The following RARA variants were observed in gnomAD, a reference collection of about 807,000 sequenced individuals.
RARA encodes PML-DDX5-RARA fusion.
A neutral mutation model predicts 42.8 loss-of-function variants in RARA; 5 were observed. The ratio of observed to expected loss-of-function variants is 0.12; its 90% CI spans 0.06 to 0.25. The LOEUF (loss-of-function observed/expected upper bound fraction) is 0.25, where lower values mean the gene tolerates loss of function less well. RARA is among the 10% of genes least tolerant of loss of function. RARA has a pLI of 1.00. For missense variants in RARA, 402 were observed against 628.7 expected, an observed-to-expected ratio of 0.64 and a Z score of 3.86; for synonymous variants, 256 against 259.5, an observed-to-expected ratio of 0.99 and a Z score of 0.13.
At chr17:40,336,218 C>T (rs2033845857) in intron 2 of RARA, among the ~76,000 whole-genome samples, 1 of 151,866 alleles carries the variant, frequency 6.6e-6, no homozygotes, top group African/African-American at 2.4e-5. Flanking sequence ...GCTGGGATTA[C>T]AGGCGCCCGC....
chr17:40,331,470 C>A (rs1194286413), intron 2 of RARA, 74 bp downstream of exon 2: 7 of 1,482,176 alleles, frequency 4.7e-6, no homozygotes, highest in Non-Finnish European at 6.4e-6. Context: ...GGGCTCTGGG[C>A]ACGTCTGTTC....
intron 2 of RARA, among the ~76,000 whole-genome samples, chr17:40,333,044 TTTTA>T (rs1292771396): frequency 6.6e-6 from 1 of 152,184 alleles, no homozygotes; most frequent in Non-Finnish European, 1.5e-5. Flanking sequence ...AGGGTTTTAT[TTTTA>T]TTTATTTATT....
chr17:40,341,100 T>TC (rs2034018426), intron 2 of RARA: 1 of 402,900 alleles, frequency 2.5e-6, no homozygotes. Context: ...TCCAGGGGTA[T>TC]CCCCTCTTTC....
chr17:40,330,769 T>C (rs1353535478), intron 1 of RARA, 88 bp from the exon 2 acceptor site: 1 of 211,124 alleles, frequency 4.7e-6, no homozygotes, highest in Non-Finnish European at 9.6e-6. Context: ...CGGGAAAATC[T>C]CCGGCAGCCC....
chr17:40,348,227 TC>T, intron 2 of RARA, 88 bp from the exon 3 acceptor site: 1 of 1,434,216 alleles, frequency 7.0e-7, no homozygotes, highest in Non-Finnish European at 9.3e-7. Flanking sequence ...TGGGAGAGGC[TC>T]TTAGGAGGGA....
chr17:40,356,570 G>A lies in RARA; in HGVS notation c.*344G>A, dbSNP rs1567768647. On this transcript the variant is annotated 3_prime_UTR_variant, in exon 9 of 9. Transcript: ENST00000254066. ...ACATCTTCATCACCAGCAAACGCCA[G>A]GACTTGGCTCCCCCATCCTCAGAAC... 3.5e-6 allele frequency: 2 copies of A among 577,942 alleles called. No homozygotes were observed. Among genetic ancestry groups the A allele is most frequent in the Non-Finnish European group, 3.3e-6 (1 of 304,590 alleles). The allele number at this position is 577,942 out of a possible 1,614,324, so 35.8% of individuals were successfully genotyped here. A position where few individuals can be genotyped will look rare whatever the true frequency, so the allele number is the denominator to read the frequency against.
intron 2 of RARA, chr17:40,341,485 C>T: frequency 1.3e-6 from 2 of 1,503,622 alleles, no homozygotes; most frequent in Non-Finnish European, 1.8e-6. Flanking sequence ...CTTGGCCCCG[C>T]GCGACCCGGC....
intron 2 of RARA, among the ~76,000 whole-genome samples, chr17:40,344,711 C>T (rs559346601): frequency 9.2e-5 from 14 of 152,290 alleles, no homozygotes; most frequent in South Asian, 6.2e-4. Context: ...TTCCAGTTCC[C>T]GTAGTCTGAG....
chr17:40,343,035 T>TC (rs1215909043), intron 2 of RARA: 2 of 1,341,972 alleles, frequency 1.5e-6, no homozygotes, highest in East Asian at 5.4e-5. Flanking sequence ...GGCCGCACCC[T>TC]CCCCCCAGTA....
intron 1 of RARA, among the ~76,000 whole-genome samples, chr17:40,313,243 C>A (rs2033130120): frequency 6.6e-6 from 1 of 152,134 alleles, no homozygotes; most frequent in African/African-American, 2.4e-5. Context: ...CTGCCCAGGA[C>A]CTGTGGGTCA....
chr17:40,355,016 A>G lies in RARA; in HGVS notation c.1013-247A>G, dbSNP rs980966828. Among the ~76,000 whole-genome samples, 10 of 152,238 alleles carry G rather than the reference A, an allele frequency of 6.6e-5. No homozygotes were observed. The highest frequency in any genetic ancestry group is 2.4e-4 in the African/African-American group (10 of 41,542). On this transcript the variant is annotated intron_variant, in intron 7 of 8. Transcript: ENST00000254066. This position sits in a 1 kb window ranked among gnomAD's most constrained non-coding sequence, Gnocchi z 4.1. ...TCCCTGCTTGAGGATGGCACTGCCC[A>G]TTTGGGGTCCCATCCCACTAACTGG...
At position 40,345,273 on chromosome 17, in the gene RARA, A is replaced by T. The variant is rs2034221616; in HGVS notation, c.179-3043A>T. 6.6e-6 allele frequency: 1 copy of T among 152,412 alleles called. No homozygotes were observed. The highest frequency in any genetic ancestry group is 2.1e-4 in the South Asian group (1 of 4,830). The allele number at this position is 152,412 out of a possible 1,614,324, so 9.4% of individuals were successfully genotyped here. ...AGGGGCCTTCTTCCGCTGCCGCGGTACACCCAGAGCTACCCCCGCCTCTCC... is the reference window on the plus strand; with the variant it reads ...AGGGGCCTTCTTCCGCTGCCGCGGTTCACCCAGAGCTACCCCCGCCTCTCC... On this transcript the variant is annotated intron_variant, in intron 2 of 8. Coordinates refer to ENST00000254066, the MANE Select transcript of RARA (RefSeq NM_000964.4). This position sits in a 1 kb window ranked among gnomAD's most constrained non-coding sequence, Gnocchi z 4.8.
In RARA at chr17:40,331,097, G is replaced by A; in HGVS notation, c.-122G>A. 1 of 1,168,076 alleles carries A rather than the reference G, an allele frequency of 8.6e-7. No individual in the cohort carries two copies. The allele number at this position is 1,168,076 out of a possible 1,614,324, so 72.4% of individuals were successfully genotyped here. ...TGGACAGCAGCTCCAGGACAGGGCG[G>A]GTGGGCTGACCACCCAAACCCCATC... is the stretch of plus-strand genomic sequence containing the variant. On this transcript the variant is annotated 5_prime_UTR_variant, in exon 2 of 9. Coordinates refer to ENST00000254066, the MANE Select transcript of RARA (RefSeq NM_000964.4).
At chr17:40,341,492 C>G in intron 2 of RARA, 1 of 1,498,492 alleles carries the variant, frequency 6.7e-7, no homozygotes, top group Non-Finnish European at 8.9e-7. Context: ...CCGCGCGACC[C>G]GGCCCTACGC....
intron 2 of RARA, among the ~76,000 whole-genome samples, chr17:40,336,961 G>A (rs1211188702): frequency 6.6e-6 from 1 of 152,252 alleles, no homozygotes; most frequent in African/African-American, 2.4e-5. Flanking sequence ...GCCTCCTAAA[G>A]TGCTGGGATT....
At chr17:40,314,944 T>C (rs1418669891) in intron 1 of RARA, among the ~76,000 whole-genome samples, 1 of 151,534 alleles carries the variant, frequency 6.6e-6, no homozygotes, top group East Asian at 1.9e-4. Context: ...GCCCCACCCA[T>C]AAACCTGCAG....
At chr17:40,342,256 C>T in intron 2 of RARA, 1 of 1,058,424 alleles carries the variant, frequency 9.4e-7, no homozygotes, top group Non-Finnish European at 1.1e-6. Context: ...CCGGAATCCT[C>T]GCCACGGAGA....
At position 40,317,843 on chromosome 17, in the gene RARA, C is replaced by T. The variant is rs185277606; in HGVS notation, c.-363+8557C>T. ...GGATTCAGGGGCTTGACAGCTAGGG[C>T]AGGAGTCACCGCACTCACTTCCATA... On this transcript the variant is annotated intron_variant, in intron 1 of 8. Coordinates refer to ENST00000254066, the MANE Select transcript of RARA (RefSeq NM_000964.4). 2.6e-5 allele frequency among the ~76,000 whole-genome samples: 4 copies of T among 152,190 alleles called. No homozygotes were observed. In the East Asian group the frequency reaches 5.8e-4, roughly 22 times the overall value.
At position 40,330,994 on chromosome 17, in the gene RARA, C is replaced by A; in HGVS notation, c.-225C>A. 1.9e-6 allele frequency: 1 copy of A among 521,410 alleles called. No homozygotes were observed. The highest frequency in any genetic ancestry group is 3.4e-6 in the Non-Finnish European group (1 of 297,498). The allele number at this position is 521,410 out of a possible 1,614,324, so 32.3% of individuals were successfully genotyped here. On this transcript the variant is annotated 5_prime_UTR_variant, in exon 2 of 9. Transcript: ENST00000254066. ...CAGAACTGCTTGACCAAAGGACCGG[C>A]TCTTGAGACATCCCCCAACCCACCT...
Sources: gnomAD v4.1 joint callset for allele counts (sites outside exome capture counted in the v4.1 genomes callset) on GRCh38, gnomAD v4.1.1 for gene constraint, Gnocchi (gnomAD v3.1) non-coding constraint, MANE v1.5 for transcripts, NCBI Gene and HGNC (gene_info 2026-07-23, HGNC 2026-07-21) for gene names.